Variants in CDC42BPA observed in about 807,000 individuals in gnomAD.
CDC42BPA encodes CDC42 binding protein kinase alpha.
Under a neutral mutation model 223.5 loss-of-function variants are expected in CDC42BPA, and 80 were observed. That is an observed-to-expected ratio of 0.36 (90% confidence interval 0.30 to 0.43). The LOEUF is 0.43. Ranked by LOEUF, CDC42BPA falls within the 20% of genes least tolerant of loss-of-function variation. CDC42BPA has a pLI of 1.00. For missense variants in CDC42BPA, 1,743 were observed against 2,099.9 expected, an observed-to-expected ratio of 0.83 and a Z score of 3.32; for synonymous variants, 694 against 718.6, an observed-to-expected ratio of 0.97 and a Z score of 0.55.
intron 3 of CDC42BPA, among the ~76,000 whole-genome samples, chr1:227,205,281 A>AT (rs1553394667): frequency 6.2e-5 from 4 of 64,928 alleles, no homozygotes; most frequent in South Asian, 4.7e-4. Context: ...AAAAAAAAAA[A>AT]AAATATATAT....
chr1:227,099,602 C>A (rs1332690666), intron 15 of CDC42BPA, among the ~76,000 whole-genome samples: 1 of 152,058 alleles, frequency 6.6e-6, no homozygotes, highest in African/African-American at 2.4e-5. Context: ...CATGATGTGG[C>A]CCCCTGTTGC....
chr1:226,995,525 G>A (rs944892262), intron 35 of CDC42BPA, among the ~76,000 whole-genome samples: 4 of 152,196 alleles, frequency 2.6e-5, no homozygotes, highest in Admixed American at 1.3e-4. Flanking sequence ...GCCACTCAAT[G>A]AAGAAATATC....
At chr1:227,038,724 G>T (rs1356914216) in intron 24 of CDC42BPA, among the ~76,000 whole-genome samples, 1 of 152,194 alleles carries the variant, frequency 6.6e-6, no homozygotes, top group African/African-American at 2.4e-5. Context: ...AGATCCTGAA[G>T]GATTTCTTTG....
intron 1 of CDC42BPA, among the ~76,000 whole-genome samples, chr1:227,275,705 T>C (rs1488810832): frequency 1.3e-5 from 2 of 149,856 alleles, no homozygotes; most frequent in African/African-American, 4.9e-5. Flanking sequence ...CCTCCCTGCC[T>C]GATTCTCCTG....
intron 4 of CDC42BPA, among the ~76,000 whole-genome samples, chr1:227,194,596 CGAT>C: frequency 6.6e-6 from 1 of 152,122 alleles, no homozygotes; most frequent in African/African-American, 2.4e-5. Flanking sequence ...TGTAAAGAAA[CGAT>C]GAGAAGAGTA....
chr1:227,207,814 C>T (rs1673075358), intron 3 of CDC42BPA, among the ~76,000 whole-genome samples: 8 of 123,904 alleles, frequency 6.5e-5, no homozygotes, highest in Admixed American at 3.5e-4. Flanking sequence ...TGAATAATGC[C>T]GCAATAAACA....
At chr1:227,107,867 CTG>C (rs1686209745) in intron 14 of CDC42BPA, among the ~76,000 whole-genome samples, 1 of 152,148 alleles carries the variant, frequency 6.6e-6, no homozygotes, top group South Asian at 2.1e-4. Context: ...GTTATCTACT[CTG>C]TGGGCATACA....
chr1:227,281,697 T>C (rs751657322), intron 1 of CDC42BPA, among the ~76,000 whole-genome samples: 4 of 152,146 alleles, frequency 2.6e-5, no homozygotes, highest in Non-Finnish European at 4.4e-5. Flanking sequence ...TTAGAGCTTT[T>C]GCAAGTGCTC....
chr1:227,238,338 T>C (rs997930272), intron 2 of CDC42BPA, among the ~76,000 whole-genome samples: 2 of 148,068 alleles, frequency 1.4e-5, no homozygotes, highest in East Asian at 3.9e-4. Flanking sequence ...CGAGACCCTG[T>C]CTCATTAAAA....
At chr1:227,150,971 A>G (rs976251435) in intron 6 of CDC42BPA, among the ~76,000 whole-genome samples, 1 of 151,976 alleles carries the variant, frequency 6.6e-6, no homozygotes, top group East Asian at 1.9e-4. Flanking sequence ...GGTTTTTTAA[A>G]TTTTTAATTA....
chr1:227,207,743 A>G (rs1443375243), intron 3 of CDC42BPA, among the ~76,000 whole-genome samples: 2 of 145,406 alleles, frequency 1.4e-5, no homozygotes, highest in Non-Finnish European at 3.0e-5. Context: ...TATGTGCCAC[A>G]TTTTCTTAAT....
intron 3 of CDC42BPA, among the ~76,000 whole-genome samples, chr1:227,202,195 G>A (rs1671898007): frequency 6.6e-6 from 1 of 152,128 alleles, no homozygotes; most frequent in Non-Finnish European, 1.5e-5. Context: ...CGTTAGCCAG[G>A]ATGGTCTCGA....
intron 2 of CDC42BPA, among the ~76,000 whole-genome samples, chr1:227,247,187 G>A (rs867250944): frequency 2.0e-5 from 3 of 151,546 alleles, no homozygotes; most frequent in African/African-American, 7.3e-5. Flanking sequence ...GCAACAGAGC[G>A]AGACTTTGTC....
At chr1:227,305,278 C>A (rs527843947) in intron 1 of CDC42BPA, among the ~76,000 whole-genome samples, 1 of 151,550 alleles carries the variant, frequency 6.6e-6, no homozygotes, top group Non-Finnish European at 1.5e-5. Flanking sequence ...CATGGTGGCT[C>A]ATGCCTGTAA....
chr1:227,017,374 C>T (rs1482496084), intron 32 of CDC42BPA, among the ~76,000 whole-genome samples: 1 of 152,160 alleles, frequency 6.6e-6, no homozygotes, highest in Non-Finnish European at 1.5e-5. Flanking sequence ...TATCTCAATA[C>T]TATATTTTCT....
At chr1:227,300,379 A>T (rs1262779670) in intron 1 of CDC42BPA, among the ~76,000 whole-genome samples, 1 of 152,204 alleles carries the variant, frequency 6.6e-6, no homozygotes. Context: ...TGTTTATTGC[A>T]ACACAATTCA....
intron 17 of CDC42BPA, among the ~76,000 whole-genome samples, chr1:227,075,954 A>C (rs918775878): frequency 1.3e-5 from 2 of 152,144 alleles, no homozygotes; most frequent in African/African-American, 4.8e-5. Flanking sequence ...TTTATATGAC[A>C]ATCTCTTTTT....
chr1:227,259,420 T>C (rs1000131804), intron 1 of CDC42BPA, among the ~76,000 whole-genome samples: 3 of 150,866 alleles, frequency 2.0e-5, no homozygotes, highest in Non-Finnish European at 4.4e-5. Context: ...AGCAGATGCA[T>C]AGAGAAAGGC....
At chr1:227,101,978 AT>A (rs1273209490) in intron 14 of CDC42BPA, among the ~76,000 whole-genome samples, 4 of 152,192 alleles carry the variant, frequency 2.6e-5, no homozygotes, top group African/African-American at 9.6e-5. Flanking sequence ...TGACTGTAAG[AT>A]TTCCTAAGCT....
Sources: gnomAD v4.1 joint callset for allele counts (sites outside exome capture counted in the v4.1 genomes callset) on GRCh38, gnomAD v4.1.1 for gene constraint, MANE v1.5 for transcripts, NCBI Gene and HGNC (gene_info 2026-07-23, HGNC 2026-07-21) for gene names.